The following WBP11 variants were observed in gnomAD, a reference collection of about 807,000 sequenced individuals.
WBP11 encodes the protein WW domain-binding protein 11.
Under a neutral mutation model 66.7 loss-of-function variants are expected in WBP11, and 12 were observed. The observed-to-expected ratio is 0.18, with a 90% CI of 0.12 to 0.29. The LOEUF is 0.29. Ranked by LOEUF, WBP11 falls within the 10% of genes least tolerant of loss-of-function variation. The pLI is 1.00. For synonymous variants in WBP11, 255 were observed against 273.8 expected, an observed-to-expected ratio of 0.93 and a Z score of 0.68; for missense variants, 555 against 818.3, an observed-to-expected ratio of 0.68 and a Z score of 3.93.
rs756167680 is a variant in WBP11 at position 14,787,127 on chromosome 12, A to C, written c.1864T>G (p.Ser622Ala). 1.2e-6 allele frequency: 2 copies of C among 1,613,654 alleles called. No individual in the cohort carries two copies. The highest frequency in any genetic ancestry group is 1.7e-6 in the Non-Finnish European group (2 of 1,179,940). ...TAGACATCATCCTTAGTTTGTACTGAGACAGGAACAGAAGGACCAGATTTG... is the reference window on the plus strand; with the variant it reads ...TAGACATCATCCTTAGTTTGTACTGCGACAGGAACAGAAGGACCAGATTTG... ...APKSGPSVPVSVQTKDDVYEA... is the reference protein window; with the variant it reads ...APKSGPSVPVAVQTKDDVYEA... The change falls in exon 12 of 12, where the codon TCA (serine) becomes GCA (alanine). Residue 622 changes from serine (S) to alanine (A), a missense_variant. Coordinates refer to ENST00000261167, the MANE Select transcript of WBP11 (RefSeq NM_016312.3).
chr12:14,786,462 A>G lies in WBP11; in HGVS notation c.*603T>C, dbSNP rs1347924053. ...ATAGGTATTATGTTTACATATTATC[A>G]GTAACACAGAGTATCTTGGTGTAGA... On this transcript the variant is annotated 3_prime_UTR_variant, in exon 12 of 12. Transcript: ENST00000261167. The G allele has an allele frequency of 6.6e-6, 1 of 152,276 alleles. No homozygotes were observed. The highest frequency in any genetic ancestry group is 1.9e-4 in the East Asian group (1 of 5,200). 9.4% of individuals were successfully genotyped at this position (152,276 alleles called of 1,614,324 possible).
At chr12:14,798,299 T>C (rs551523494) in intron 4 of WBP11, among the ~76,000 whole-genome samples, 2 of 152,224 alleles carry the variant, frequency 1.3e-5, no homozygotes, top group South Asian at 2.1e-4. Context: ...ATGTAATCTC[T>C]CCATGCCTGA....
At position 14,796,716 on chromosome 12, in the gene WBP11, C is replaced by T; in HGVS notation, c.387+91G>A. On this transcript the variant is annotated intron_variant, in intron 5 of 11. Transcript: ENST00000261167. This position sits in a 1 kb window ranked among gnomAD's most constrained non-coding sequence, Gnocchi z 4.5. ...AAAAAAAACCCAACAACCCTAAATC[C>T]AAAACACTTCTGGTCCCAAGCACTT... The T allele has an allele frequency of 8.0e-7, 1 of 1,252,832 alleles. No homozygotes were observed. Among genetic ancestry groups the T allele is most frequent in the Non-Finnish European group, 1.1e-6 (1 of 927,684 alleles). The allele number at this position is 1,252,832 out of a possible 1,614,324, so 77.6% of individuals were successfully genotyped here.
intron 8 of WBP11, 105 bp downstream of exon 8, chr12:14,793,626 C>G: frequency 7.3e-7 from 1 of 1,366,338 alleles, no homozygotes. Context: ...ATGATCCCGA[C>G]TTCCAAAGAT....
At chr12:14,798,407 A>G (rs1012682) in intron 4 of WBP11, among the ~76,000 whole-genome samples, 25,927 of 152,178 alleles carry the variant, frequency 0.17, 2,706 homozygotes, top group Admixed American at 0.29. Flanking sequence ...GTGTATAGCA[A>G]GACAACTACT....
Position 14,796,780 on chromosome 12 carries a change from A to C in WBP11, c.387+27T>G. 3.2e-6 allele frequency: 5 copies of C among 1,567,932 alleles called. No individual in the cohort carries two copies. Among genetic ancestry groups the C allele is most frequent in the East Asian group, 2.3e-5 (1 of 44,248 alleles). On this transcript the variant is annotated intron_variant, in intron 5 of 11. Coordinates refer to ENST00000261167, the MANE Select transcript of WBP11 (RefSeq NM_016312.3). The surrounding 1 kb of genome is among the most constrained non-coding windows in gnomAD (Gnocchi z 4.5). ...CTCAATCTGTATAATATTTTAGTTT[A>C]TCTCTCAAAAAAAAAACCTTGATTA... is the stretch of plus-strand genomic sequence containing the variant.
chr12:14,800,815 T>A, intron 2 of WBP11, 32 bp from the exon 3 acceptor site: 1 of 1,562,056 alleles, frequency 6.4e-7, no homozygotes. Context: ...TATAATAAAA[T>A]CTTTGAATCT....
At chr12:14,791,049 G>T in intron 9 of WBP11, 120 bp downstream of exon 9, 1 of 1,008,996 alleles carries the variant, frequency 9.9e-7, no homozygotes, top group Non-Finnish European at 1.4e-6. Context: ...CCTTATTTTT[G>T]TAAAACAAGG....
At chr12:14,800,606 CTTAGTA>C (rs1949950626) in intron 3 of WBP11, 140 bp downstream of exon 3, 2 of 726,152 alleles carry the variant, frequency 2.8e-6, no homozygotes, top group East Asian at 6.0e-5. Context: ...TAAAGTTTGG[CTTAGTA>C]TATCTTACAG....
chr12:14,792,652 G>A (rs932455110), intron 8 of WBP11, among the ~76,000 whole-genome samples: 6 of 152,006 alleles, frequency 3.9e-5, no homozygotes, highest in Admixed American at 2.6e-4. Context: ...GGCCAACACG[G>A]TGAAACCCTG....
chr12:14,786,603 T>C lies in WBP11; in HGVS notation c.*462A>G, dbSNP rs1158542590. 1.3e-5 allele frequency: 2 copies of C among 154,042 alleles called. No homozygotes were observed. Among genetic ancestry groups the C allele is most frequent in the African/African-American group, 4.8e-5 (2 of 41,490 alleles). 9.5% of individuals were successfully genotyped at this position (154,042 alleles called of 1,614,324 possible). A position where few individuals can be genotyped will look rare whatever the true frequency, so the allele number is the denominator to read the frequency against. ...TCCTGCCTTGTATTAGGAAATGACA[T>C]TGTGATCCATTTCATTACAAGTAAA... On this transcript the variant is annotated 3_prime_UTR_variant, in exon 12 of 12. Coordinates refer to ENST00000261167, the MANE Select transcript of WBP11 (RefSeq NM_016312.3).
chr12:14,797,388 T>TA (rs1164497558), intron 4 of WBP11, among the ~76,000 whole-genome samples: 1 of 152,298 alleles, frequency 6.6e-6, no homozygotes, highest in Non-Finnish European at 1.5e-5. Context: ...CTTCCTCATC[T>TA]AAAAAATGGA....
chr12:14,794,639 G>C lies in WBP11; in HGVS notation c.619C>G (p.Pro207Ala). 1 of 1,613,978 alleles carries C rather than the reference G, an allele frequency of 6.2e-7. No homozygotes were observed. The highest frequency in any genetic ancestry group is 1.7e-5 in the Admixed American group (1 of 60,000). The change falls in exon 7 of 12, where the codon CCT becomes GCT. Residue 207 changes from proline to alanine, a missense_variant. Pro to Ala is a conservative substitution (Grantham distance 27, BLOSUM62 -1). Coordinates refer to ENST00000261167, the MANE Select transcript of WBP11 (RefSeq NM_016312.3). ...RKPPGPPPGP[P>A]PPQVVQMYGR... Reference sequence around the variant, plus strand: ...TACATCTGCACGACTTGAGGAGGAGGTGGACCAGGGGGAGGGCCAGGAGGT... The same window carrying C: ...TACATCTGCACGACTTGAGGAGGAGCTGGACCAGGGGGAGGGCCAGGAGGT...
rs377722297 is a variant in WBP11 at position 14,785,955 on chromosome 12, C to A, written c.*1110G>T. 1.4e-5 allele frequency: 2 copies of A among 139,478 alleles called. No individual in the cohort carries two copies. The highest frequency in any genetic ancestry group is 4.7e-4 in the South Asian group (2 of 4,298). 8.6% of individuals were successfully genotyped at this position (139,478 alleles called of 1,614,324 possible). A position where few individuals can be genotyped will look rare whatever the true frequency, so the allele number is the denominator to read the frequency against. On this transcript the variant is annotated 3_prime_UTR_variant, in exon 12 of 12. Transcript: ENST00000261167. ...AGTCATTAAATTAACATTAAACTTA[C>A]TAAGAGTTAGTCTAAATTGGTAGAT... is the stretch of plus-strand genomic sequence containing the variant.
chr12:14,787,246 G>A lies in WBP11; in HGVS notation c.1745C>T (p.Ala582Val). ...TTTATTCTCCCGACGTACTCTCAGT[G>A]CAGTGGGCACAAATCGAGTAATCTC... Reference protein sequence around the residue: ...KAEITRFVPTALRVRRENKGA... With the variant: ...KAEITRFVPTVLRVRRENKGA... Residue 582 changes from alanine (A) to valine (V), a missense_variant, in exon 12 of 12, where the codon GCA (alanine) becomes GTA (valine). Physicochemically the swap from Ala to Val is moderately conservative, Grantham distance 64. This residue lies in a region of WBP11 where 7 missense variants were observed against 28.1 expected (regional missense o/e 0.25). Transcript: ENST00000261167. 1 of 1,614,204 alleles carries A rather than the reference G, an allele frequency of 6.2e-7. No individual in the cohort carries two copies.
chr12:14,798,183 G>A (rs1003204273), intron 4 of WBP11, among the ~76,000 whole-genome samples: 3 of 152,168 alleles, frequency 2.0e-5, no homozygotes, highest in South Asian at 2.1e-4. Context: ...TCCAGAGGGC[G>A]TATTCTTACA....
chr12:14,793,145 A>G (rs548769040), intron 8 of WBP11, among the ~76,000 whole-genome samples: 3 of 152,214 alleles, frequency 2.0e-5, no homozygotes, highest in African/African-American at 7.2e-5. Flanking sequence ...TCCCAAAAGA[A>G]GCTCCAAAAT....
chr12:14,793,427 CCTTT>C (rs200786355), intron 8 of WBP11, among the ~76,000 whole-genome samples: 1,785 of 152,246 alleles, frequency 0.012, 35 homozygotes, highest in African/African-American at 0.041. Context: ...TGGCTACTCT[CCTTT>C]CTTTCCTGTA....
intron 4 of WBP11, 31 bp from the exon 5 acceptor site, chr12:14,797,034 T>C (rs780288111): frequency 1.3e-6 from 2 of 1,533,168 alleles, no homozygotes; most frequent in Admixed American, 2.3e-5. Context: ...TGGAATTAAA[T>C]ATAAGAGGCC....
Sources: gnomAD v4.1 joint callset for allele counts (sites outside exome capture counted in the v4.1 genomes callset) on GRCh38, gnomAD v4.1.1 for gene constraint, gnomAD v4.1.1 regional missense constraint, Gnocchi (gnomAD v3.1) non-coding constraint, MANE v1.5 for transcripts, NCBI Gene and HGNC (gene_info 2026-07-23, HGNC 2026-07-21) for gene names.